COL23A1: variants seen among roughly 807,000 people sequenced by gnomAD.
COL23A1 encodes collagen alpha-1(XXIII) chain.
COL23A1 carries 97 observed loss-of-function variants against 99.3 expected under a neutral mutation model. The observed-to-expected ratio is 0.98, with a 90% CI of 0.83 to 1.16. The LOEUF (loss-of-function observed/expected upper bound fraction) is 1.16. COL23A1 is among the 50% of genes most tolerant of loss of function. The probability of loss-of-function intolerance (pLI) is 0.00; values close to 1 mark genes in which losing one functional copy is unlikely to be tolerated. For synonymous variants in COL23A1, 320 were observed against 308.2 expected (o/e 1.04, Z -0.40); for missense variants, 762 against 757.4 (o/e 1.01, Z -0.07).
chr5:178,461,778 T>C (rs1756136106), intron 2 of COL23A1, among the ~76,000 whole-genome samples: 1 of 152,212 alleles, frequency 6.6e-6, no homozygotes, highest in African/African-American at 2.4e-5. Flanking sequence ...TCCGTACATA[T>C]TGAGGACACT....
At chr5:178,322,879 G>A (rs925675473) in intron 2 of COL23A1, among the ~76,000 whole-genome samples, 2 of 152,318 alleles carry the variant, frequency 1.3e-5, no homozygotes, top group East Asian at 1.9e-4. Context: ...GCTGGGGACA[G>A]GCGGATAGCT....
chr5:178,315,532 G>A lies in COL23A1; in HGVS notation c.362-8613C>T, dbSNP rs536232261. Among the ~76,000 whole-genome samples, 97 of 152,308 alleles carry A rather than the reference G, an allele frequency of 6.4e-4. 2 individuals are homozygous for A. In the South Asian group the frequency reaches 0.02, roughly 31 times the overall value. On this transcript the variant is annotated intron_variant, in intron 2 of 28. Coordinates refer to ENST00000390654, the MANE Select transcript of COL23A1 (RefSeq NM_173465.4). ...GCCTGCACCAGTGATGCCCTCCTAA[G>A]TTCTTCCTTTTCAGGGAAATGACTG...
At chr5:178,253,525 C>T (rs1392319213) in intron 16 of COL23A1, among the ~76,000 whole-genome samples, 1 of 151,918 alleles carries the variant, frequency 6.6e-6, no homozygotes, top group Non-Finnish European at 1.5e-5. Flanking sequence ...CTCTGTTGCC[C>T]AGCCTGGAGT....
intron 3 of COL23A1, among the ~76,000 whole-genome samples, chr5:178,297,919 C>T (rs1046799381): frequency 1.4e-4 from 22 of 152,150 alleles, no homozygotes; most frequent in Non-Finnish European, 2.1e-4. Context: ...ATGGACTGTA[C>T]GGCCTGCAGC....
intron 2 of COL23A1, among the ~76,000 whole-genome samples, chr5:178,518,992 G>A (rs1461042093): frequency 6.7e-6 from 1 of 149,596 alleles, no homozygotes; most frequent in Non-Finnish European, 1.5e-5. Context: ...GGGCCCGCGG[G>A]CGTCAGCGCC....
At position 178,364,416 on chromosome 5, in the gene COL23A1, A is replaced by C. The variant is rs188327381; in HGVS notation, c.362-57497T>G. Among the ~76,000 whole-genome samples the C allele has an allele frequency of 4.0e-4, 60 of 151,582 alleles. No individual in the cohort carries two copies. The South Asian group carries it at 4.6e-3, about 12-fold the overall frequency. On this transcript the variant is annotated intron_variant, in intron 2 of 28. Coordinates refer to ENST00000390654, the MANE Select transcript of COL23A1 (RefSeq NM_173465.4). ...GGTGAGCTGAGGGTGAAGCAGGCCC[A>C]CAGGAGGGTGAGCTGAGGGTGGAGC... is the stretch of plus-strand genomic sequence containing the variant.
chr5:178,366,592 C>T lies in COL23A1; in HGVS notation c.362-59673G>A, dbSNP rs1762493132. Among the ~76,000 whole-genome samples the T allele has an allele frequency of 6.6e-6, 1 of 152,190 alleles. No individual in the cohort carries two copies. Among genetic ancestry groups the T allele is most frequent in the South Asian group, 2.1e-4 (1 of 4,826 alleles). ...CGCCCTGCGAAAATGTGTCGGTGATCACTGTGACTAGAACAAGTCCTCGTG... is the reference window on the plus strand; with the variant it reads ...CGCCCTGCGAAAATGTGTCGGTGATTACTGTGACTAGAACAAGTCCTCGTG... On this transcript the variant is annotated intron_variant, in intron 2 of 28. Transcript: ENST00000390654. This position sits in a 1 kb window ranked among gnomAD's most constrained non-coding sequence, Gnocchi z 4.4.
At chr5:178,528,688 T>C (rs770869982) in intron 2 of COL23A1, among the ~76,000 whole-genome samples, 3 of 152,332 alleles carry the variant, frequency 2.0e-5, no homozygotes, top group Non-Finnish European at 4.4e-5. Flanking sequence ...CACGTGCCTG[T>C]AATCCCAGAT....
At chr5:178,404,162 G>A (rs1764625447) in intron 2 of COL23A1, among the ~76,000 whole-genome samples, 1 of 152,222 alleles carries the variant, frequency 6.6e-6, no homozygotes, top group African/African-American at 2.4e-5. Context: ...CTGTGTGCAG[G>A]CAGCATCTGC....
At chr5:178,501,506 C>T (rs530518044) in intron 2 of COL23A1, among the ~76,000 whole-genome samples, 13 of 151,260 alleles carry the variant, frequency 8.6e-5, no homozygotes, top group East Asian at 2.0e-4. Flanking sequence ...GCTTAGAGCC[C>T]GGGAGGTTGC....
chr5:178,370,035 C>A (rs1462642967), intron 2 of COL23A1, among the ~76,000 whole-genome samples: 1 of 152,146 alleles, frequency 6.6e-6, no homozygotes, highest in Non-Finnish European at 1.5e-5. Flanking sequence ...AGAATAGCAC[C>A]CAACCAGCAC....
intron 2 of COL23A1, among the ~76,000 whole-genome samples, chr5:178,475,398 C>T (rs1378503501): frequency 6.6e-6 from 1 of 152,088 alleles, no homozygotes; most frequent in Non-Finnish European, 1.5e-5. Context: ...AAGGAATGAG[C>T]CATGGGGACA....
At chr5:178,354,921 G>T (rs540483492) in intron 2 of COL23A1, among the ~76,000 whole-genome samples, 1 of 152,152 alleles carries the variant, frequency 6.6e-6, no homozygotes, top group South Asian at 2.1e-4. Context: ...AGTTGGGCAT[G>T]GTGGTGTGAG....
At position 178,332,248 on chromosome 5, in the gene COL23A1, CTT is replaced by C. The variant is rs578195787; in HGVS notation, c.362-25331_362-25330del. On this transcript the variant is annotated intron_variant, in intron 2 of 28. Transcript: ENST00000390654. ...ATGCTTTCCACAGCGCAAGCCCCAC[CTT>C]CCAGCACTCACTGCACATTTCCCTG... Among the ~76,000 whole-genome samples, 836 of 152,314 alleles carry C rather than the reference CTT, an allele frequency of 5.5e-3. 7 individuals are homozygous for C. The highest frequency in any genetic ancestry group is 0.019 in the African/African-American group (802 of 41,570).
At chr5:178,561,742 G>C (rs866797872) in intron 1 of COL23A1, 8 of 176,352 alleles carry the variant, frequency 4.5e-5, no homozygotes, top group Non-Finnish European at 6.0e-5. Flanking sequence ...TAAGTGAACA[G>C]TGCAGCGCCA....
At chr5:178,268,192 C>T (rs917186521) in intron 7 of COL23A1, among the ~76,000 whole-genome samples, 2 of 152,228 alleles carry the variant, frequency 1.3e-5, no homozygotes, top group African/African-American at 4.8e-5. Context: ...CCTGGCACAC[C>T]TAGGCCTACT....
intron 1 of COL23A1, among the ~76,000 whole-genome samples, chr5:178,580,708 C>T (rs1763621689): frequency 6.6e-6 from 1 of 152,182 alleles, no homozygotes; most frequent in Non-Finnish European, 1.5e-5. Flanking sequence ...GTGCCTGGCA[C>T]CACTAAATGC....
chr5:178,585,993 C>G (rs1016744446), intron 1 of COL23A1, among the ~76,000 whole-genome samples: 3 of 152,198 alleles, frequency 2.0e-5, no homozygotes, highest in Non-Finnish European at 4.4e-5. Context: ...GACAACCTCT[C>G]AAGAAGACCG....
At position 178,578,045 on chromosome 5, in the gene COL23A1, GCATGCACACACCCA is replaced by G. The variant is rs1252770407; in HGVS notation, c.294+11845_294+11858del. ...GTGCCCACACAGCATGCACACACGT[GCATGCACACACCCA>G]CATGCACACACACACTCATGCACAC... On this transcript the variant is annotated intron_variant, in intron 1 of 28. Coordinates refer to ENST00000390654, the MANE Select transcript of COL23A1 (RefSeq NM_173465.4). Among the ~76,000 whole-genome samples, 272 of 152,154 alleles carry G rather than the reference GCATGCACACACCCA, an allele frequency of 1.8e-3. 1 individual carries two copies. Among genetic ancestry groups the G allele is most frequent in the African/African-American group, 6.1e-3 (252 of 41,526 alleles).
Sources: allele counts gnomAD v4.1 joint callset (sites outside exome capture counted in the v4.1 genomes callset), GRCh38; gene constraint gnomAD v4.1.1; non-coding constraint Gnocchi (gnomAD v3.1); transcripts MANE v1.5; gene names NCBI Gene and HGNC (gene_info 2026-07-23, HGNC 2026-07-21).